Variants in MAPKAPK5 observed in about 807,000 individuals in gnomAD.
The protein encoded by MAPKAPK5 is MAPK activated protein kinase 5.
MAPKAPK5 carries 30 observed loss-of-function variants against 65.1 expected under a neutral mutation model. That is an observed-to-expected ratio of 0.46 (90% CI 0.34 to 0.63). The LOEUF (loss-of-function observed/expected upper bound fraction) is 0.63, where lower values mean the gene tolerates loss of function less well. Ranked by LOEUF, MAPKAPK5 falls within the 20% of genes least tolerant of loss-of-function variation. The pLI, the probability that MAPKAPK5 is intolerant of heterozygous loss-of-function variation, is 0.01. For missense variants in MAPKAPK5, 433 were observed against 581.4 expected (o/e 0.74, Z 2.63); for synonymous variants, 179 against 204.6 (o/e 0.87, Z 1.07).
chr12:111,842,724 C>A lies in MAPKAPK5; in HGVS notation c.-10C>A. The stretch of plus-strand genomic sequence containing the variant: ...CTCCGCCTCTCCCGGCTGTGGGGGC[C>A]CCACTGAGTATGTCGGAGGAGAGCG... On this transcript the variant is annotated 5_prime_UTR_variant, in exon 1 of 14. Transcript: ENST00000550735. 1 of 1,372,838 alleles carries A rather than the reference C, an allele frequency of 7.3e-7. No homozygotes were observed. The highest frequency in any genetic ancestry group is 9.5e-7 in the Non-Finnish European group (1 of 1,057,556). 85.0% of individuals were successfully genotyped at this position (1,372,838 alleles called of 1,614,324 possible).
chr12:111,882,981 T>C (rs962558287), intron 8 of MAPKAPK5: 7 of 308,852 alleles, frequency 2.3e-5, no homozygotes, highest in African/African-American at 1.6e-4. Flanking sequence ...AGATAGGTGC[T>C]TGGGCCTAAA....
intron 1 of MAPKAPK5, among the ~76,000 whole-genome samples, chr12:111,865,037 T>G (rs936508717): frequency 6.6e-6 from 1 of 152,252 alleles, no homozygotes; most frequent in Non-Finnish European, 1.5e-5. Flanking sequence ...CGTGAAGTCT[T>G]TGCTTTCTTG....
rs1274226182 is a variant in MAPKAPK5 at position 111,881,402 on chromosome 12, C to CTTTTTTTTTTTTTTTTTTTTTTTTT, written c.660+875_660+876insTTTTTTTTTTTTTTTTTTTTTTTTT. ...AGCCCACATATTGATCCTGTCTGTT[C>CTTTTTTTTTTTTTTTTTTTTTTTTT]CTTTTTTTTTTTTTTTTTTTGAGAC... On this transcript the variant is annotated intron_variant, in intron 8 of 13. Coordinates refer to ENST00000550735, the MANE Select transcript of MAPKAPK5 (RefSeq NM_003668.4). Among the ~76,000 whole-genome samples, 22 of 116,744 alleles carry CTTTTTTTTTTTTTTTTTTTTTTTTT rather than the reference C, an allele frequency of 1.9e-4. 2 individuals carry two copies. The highest frequency in any genetic ancestry group is 5.4e-4 in the Admixed American group (6 of 11,040). The allele number at this position is 116,744 out of a possible 152,430, so 76.6% of individuals were successfully genotyped here. A position where few individuals can be genotyped will look rare whatever the true frequency, so the allele number is the denominator to read the frequency against.
chr12:111,861,613 A>G (rs1336832298), intron 1 of MAPKAPK5, among the ~76,000 whole-genome samples: 3 of 152,214 alleles, frequency 2.0e-5, no homozygotes, highest in African/African-American at 7.2e-5. Context: ...GGCATGAGCC[A>G]CCATGCCCGG....
intron 1 of MAPKAPK5, among the ~76,000 whole-genome samples, chr12:111,858,093 C>T (rs578033690): frequency 5.9e-5 from 9 of 152,072 alleles, no homozygotes; most frequent in Admixed American, 2.0e-4. Context: ...TTTGTAGAGA[C>T]GGAGTTTTGC....
rs1055678464 is a variant in MAPKAPK5 at position 111,893,713 on chromosome 12, C to CTTTTTT, written c.*666_*671dup. On this transcript the variant is annotated 3_prime_UTR_variant, in exon 14 of 14. Transcript: ENST00000550735. ...AACAGGGTTTTCTTTTGGGTTTATT[C>CTTTTTT]TTTTTTTTTTTTTTTTTTTGAGACA... 7.7e-6 allele frequency: 1 copy of CTTTTTT among 129,416 alleles called. No homozygotes were observed. Among genetic ancestry groups the CTTTTTT allele is most frequent in the African/African-American group, 2.8e-5 (1 of 35,300 alleles). 8.0% of individuals were successfully genotyped at this position (129,416 alleles called of 1,614,324 possible).
chr12:111,858,440 T>G (rs1399195080), intron 1 of MAPKAPK5, among the ~76,000 whole-genome samples: 2 of 152,162 alleles, frequency 1.3e-5, no homozygotes, highest in African/African-American at 4.8e-5. Context: ...CTCATTTTTC[T>G]TTAATCTTTT....
At chr12:111,879,190 C>T (rs1462075195) in intron 7 of MAPKAPK5, 1 of 152,104 alleles carries the variant, frequency 6.6e-6, no homozygotes, top group African/African-American at 2.4e-5. Flanking sequence ...TAATTTTGCT[C>T]AGCAATATTA....
At chr12:111,888,650 A>G (rs1230531748) in intron 11 of MAPKAPK5, 32 bp downstream of exon 11, 8 of 1,611,978 alleles carry the variant, frequency 5.0e-6, no homozygotes, top group South Asian at 2.2e-5. Flanking sequence ...ATTCTTCTTC[A>G]TGGCTGGAAT....
intron 1 of MAPKAPK5, chr12:111,843,503 A>C (rs960624765): frequency 2.6e-6 from 1 of 377,712 alleles, no homozygotes; most frequent in African/African-American, 2.1e-5. Flanking sequence ...GCTGTAGCTA[A>C]GAAATTAGTC....
intron 5 of MAPKAPK5, 109 bp downstream of exon 5, chr12:111,868,970 C>CT: frequency 1.3e-6 from 1 of 783,308 alleles, no homozygotes; most frequent in Non-Finnish European, 2.1e-6. Context: ...TTTGACTTCT[C>CT]ATTGCCTGCT....
In MAPKAPK5 at chr12:111,866,244, G is replaced by A; in HGVS notation, c.186+13G>A. The A allele has an allele frequency of 6.2e-7, 1 of 1,601,384 alleles. No individual in the cohort carries two copies. Among genetic ancestry groups the A allele is most frequent in the African/African-American group, 1.3e-5 (1 of 74,658 alleles). ...AGCTAGAAATGAGGTATGCTTTATTGCCTCGACTTAATTAAATAGTTGAAG... is the reference window on the plus strand; with the variant it reads ...AGCTAGAAATGAGGTATGCTTTATTACCTCGACTTAATTAAATAGTTGAAG... On this transcript the variant is annotated intron_variant, in intron 3 of 13. Transcript: ENST00000550735.
intron 5 of MAPKAPK5, 92 bp from the exon 6 acceptor site, chr12:111,870,179 G>C (rs1429755716): frequency 1.3e-6 from 1 of 742,018 alleles, no homozygotes; most frequent in Non-Finnish European, 2.1e-6. Flanking sequence ...CTTAATGAAG[G>C]CTTGTTTTTT....
intron 1 of MAPKAPK5, among the ~76,000 whole-genome samples, chr12:111,860,147 G>A (rs911630057): frequency 3.3e-5 from 5 of 152,180 alleles, no homozygotes; most frequent in Non-Finnish European, 5.9e-5. Flanking sequence ...GTTTAACTTA[G>A]TTGTCAGCCA....
At position 111,900,658 on chromosome 12, in the gene MAPKAPK5, T is replaced by C. The variant is rs1300808792; in HGVS notation, c.*7597T>C. ...CATGCATGCTGTGATGAAAACTGTA[T>C]ACTGAAGGCGAAAGCAGAGTGCAGT... On this transcript the variant is annotated 3_prime_UTR_variant, in exon 14 of 14. Coordinates refer to ENST00000550735, the MANE Select transcript of MAPKAPK5 (RefSeq NM_003668.4). 1.1e-5 allele frequency: 5 copies of C among 456,020 alleles called. No homozygotes were observed. The highest frequency in any genetic ancestry group is 4.0e-5 in the African/African-American group (2 of 50,076). 28.2% of individuals were successfully genotyped at this position (456,020 alleles called of 1,614,324 possible).
rs116086945 is a variant in MAPKAPK5 at position 111,883,625 on chromosome 12, G to T, written c.705G>T (p.Leu235=). 5.6e-4 allele frequency: 903 copies of T among 1,613,926 alleles called. 5 individuals carry two copies. In the African/African-American group the frequency reaches 0.01, roughly 18 times the overall value. The change falls in exon 9 of 14, where the codon CTG becomes CTT. Residue 235 remains leucine (L), a synonymous_variant. Transcript: ENST00000550735. The surrounding 1 kb of genome is among the most constrained non-coding windows in gnomAD (Gnocchi z 4.8). ...WSLGVIIYVM[L]CGYPPFYSKH... is the part of the protein sequence containing the mutation. Reference sequence around the variant, plus strand: ...TAGGGGTGATTATCTATGTGATGCTGTGCGGATACCCTCCTTTTTACTCCA... The same window carrying T: ...TAGGGGTGATTATCTATGTGATGCTTTGCGGATACCCTCCTTTTTACTCCA...
chr12:111,880,539 G>A lies in MAPKAPK5; in HGVS notation c.660+12G>A, dbSNP rs1426668329. ...ACACTTACAACAAGGTACAGGAAGA[G>A]ATATTTCTCTTCATTTGACAGATGC... On this transcript the variant is annotated intron_variant, in intron 8 of 13. Coordinates refer to ENST00000550735, the MANE Select transcript of MAPKAPK5 (RefSeq NM_003668.4). The A allele has an allele frequency of 6.2e-7, 1 of 1,611,930 alleles. No individual in the cohort carries two copies. The highest frequency in any genetic ancestry group is 8.5e-7 in the Non-Finnish European group (1 of 1,178,282).
intron 1 of MAPKAPK5, among the ~76,000 whole-genome samples, chr12:111,856,521 C>T (rs1378497502): frequency 6.6e-6 from 1 of 151,468 alleles, no homozygotes; most frequent in African/African-American, 2.4e-5. Flanking sequence ...ATTCTCCCAT[C>T]CCAGCGTCCT....
intron 1 of MAPKAPK5, among the ~76,000 whole-genome samples, chr12:111,855,068 G>T (rs574913447): frequency 1.3e-5 from 2 of 152,046 alleles, no homozygotes; most frequent in South Asian, 2.1e-4. Context: ...GCATAAAGTC[G>T]TTCATGGTTT....
Sources: gnomAD v4.1 joint callset for allele counts (sites outside exome capture counted in the v4.1 genomes callset) on GRCh38, gnomAD v4.1.1 for gene constraint, Gnocchi (gnomAD v3.1) non-coding constraint, MANE v1.5 for transcripts, NCBI Gene and HGNC (gene_info 2026-07-23, HGNC 2026-07-21) for gene names.